Variants in ADGRG6 observed in about 807,000 individuals in gnomAD.
ADGRG6 encodes the protein adhesion G protein-coupled receptor G6.
A neutral mutation model predicts 142.4 loss-of-function variants in ADGRG6; 84 were observed. The ratio of observed to expected loss-of-function variants is 0.59; its 90% CI spans 0.49 to 0.71. The LOEUF (loss-of-function observed/expected upper bound fraction) is 0.71. ADGRG6 is among the 30% of genes least tolerant of loss of function. The pLI is 0.00. For synonymous variants in ADGRG6, 521 were observed against 520.5 expected (o/e 1.00, Z -0.01); for missense variants, 1,367 against 1,466.6 (o/e 0.93, Z 1.11).
chr6:142,330,423 A>G (rs1048334555), intron 2 of ADGRG6, among the ~76,000 whole-genome samples: 33 of 152,198 alleles, frequency 2.2e-4, no homozygotes, highest in African/African-American at 7.5e-4. Context: ...CAGCCAAACA[A>G]GCTCATGCAA....
intron 22 of ADGRG6, among the ~76,000 whole-genome samples, chr6:142,427,238 G>A (rs1483420473): frequency 6.6e-6 from 1 of 152,058 alleles, no homozygotes; most frequent in Non-Finnish European, 1.5e-5. Flanking sequence ...ACAGCACTCA[G>A]GTCATCTGTT....
At chr6:142,348,680 T>C (rs1780022781) in intron 2 of ADGRG6, among the ~76,000 whole-genome samples, 1 of 151,942 alleles carries the variant, frequency 6.6e-6, no homozygotes, top group Non-Finnish European at 1.5e-5. Flanking sequence ...ACTGGTTTAC[T>C]GAAATTTATG....
intron 2 of ADGRG6, among the ~76,000 whole-genome samples, chr6:142,347,287 A>G (rs1779950587): frequency 6.6e-6 from 1 of 152,170 alleles, no homozygotes; most frequent in Non-Finnish European, 1.5e-5. Context: ...CCACGTCAGT[A>G]TCCATTCTGA....
intron 2 of ADGRG6, among the ~76,000 whole-genome samples, chr6:142,349,326 A>G (rs1484975397): frequency 2.0e-5 from 3 of 152,242 alleles, no homozygotes; most frequent in Admixed American, 6.5e-5. Flanking sequence ...AGAATGGGGC[A>G]GAGGAAGAAG....
At chr6:142,324,501 G>A (rs565454094) in intron 2 of ADGRG6, among the ~76,000 whole-genome samples, 66 of 152,134 alleles carry the variant, frequency 4.3e-4, no homozygotes, top group Non-Finnish European at 6.6e-4. Context: ...TCCATTCTCC[G>A]TCATTGCTGC....
intron 1 of ADGRG6, among the ~76,000 whole-genome samples, chr6:142,308,465 C>T (rs987025464): frequency 8.6e-5 from 13 of 151,936 alleles, no homozygotes; most frequent in African/African-American, 3.1e-4. Context: ...GAGTATTTCT[C>T]TTTCTGCTTT....
At chr6:142,353,026 A>G (rs183164947) in intron 2 of ADGRG6, among the ~76,000 whole-genome samples, 9 of 152,314 alleles carry the variant, frequency 5.9e-5, no homozygotes, top group Admixed American at 2.6e-4. Context: ...AAGGAAATCT[A>G]TAACTTTGTG....
At chr6:142,391,632 T>C (rs1774905243) in intron 7 of ADGRG6, among the ~76,000 whole-genome samples, 1 of 151,780 alleles carries the variant, frequency 6.6e-6, no homozygotes, top group Admixed American at 6.6e-5. Context: ...TCTACTGAAA[T>C]AAAAGAAAAA....
intron 2 of ADGRG6, among the ~76,000 whole-genome samples, chr6:142,344,928 G>A (rs1779820669): frequency 6.6e-6 from 1 of 151,976 alleles, no homozygotes; most frequent in African/African-American, 2.4e-5. Flanking sequence ...AATAAACTGA[G>A]TCTACTGCCA....
At position 142,443,551 on chromosome 6, in the gene ADGRG6, T is replaced by C. The variant is rs369955760; in HGVS notation, c.*36T>C. On this transcript the variant is annotated 3_prime_UTR_variant, in exon 25 of 25. Coordinates refer to ENST00000367609, the MANE Select transcript of ADGRG6 (RefSeq NM_198569.3). ...AAAAAGAAATCAATCTGCAGAAATGTGAAGATTTGCAAGCAGTGTAAACTG... is the reference window on the plus strand; with the variant it reads ...AAAAAGAAATCAATCTGCAGAAATGCGAAGATTTGCAAGCAGTGTAAACTG... 2.4e-5 allele frequency: 36 copies of C among 1,495,360 alleles called. No homozygotes were observed. The African/African-American group carries it at 3.6e-4, about 15-fold the overall frequency. The allele number at this position is 1,495,360 out of a possible 1,614,324, so 92.6% of individuals were successfully genotyped here. A position where few individuals can be genotyped will look rare whatever the true frequency, so the allele number is the denominator to read the frequency against.
intron 22 of ADGRG6, among the ~76,000 whole-genome samples, chr6:142,428,299 A>G (rs1582679450): frequency 1.3e-5 from 2 of 152,054 alleles, no homozygotes; most frequent in East Asian, 1.9e-4. Flanking sequence ...TTATAACTGT[A>G]TAATTTAATT....
At chr6:142,421,458 T>A (rs1776649399) in intron 22 of ADGRG6, among the ~76,000 whole-genome samples, 1 of 152,200 alleles carries the variant, frequency 6.6e-6, no homozygotes, top group African/African-American at 2.4e-5. Context: ...TTTATTGGGA[T>A]CTAGCTTTAT....
intron 2 of ADGRG6, among the ~76,000 whole-genome samples, chr6:142,316,951 T>C (rs1778106619): frequency 6.6e-6 from 1 of 152,120 alleles, no homozygotes; most frequent in Admixed American, 6.6e-5. Flanking sequence ...AGTGTTTTAT[T>C]TGAACTGCTA....
At chr6:142,328,459 C>T (rs372173644) in intron 2 of ADGRG6, among the ~76,000 whole-genome samples, 16 of 152,274 alleles carry the variant, frequency 1.1e-4, no homozygotes, top group African/African-American at 3.6e-4. Flanking sequence ...ACCTTGGCCT[C>T]CCAAAGTTCT....
Position 142,341,256 on chromosome 6 carries a change from C to T in ADGRG6, c.104-26313C>T, listed in dbSNP as rs75638455. 4.8e-3 allele frequency among the ~76,000 whole-genome samples: 718 copies of T among 149,910 alleles called. 9 individuals are homozygous for T. The highest frequency in any genetic ancestry group is 0.017 in the African/African-American group (680 of 40,698). ...GAATCCTGTTCTACCACCTCCAAGC[C>T]TTGTGACTTTTGGCAGTTACTTAAT... On this transcript the variant is annotated intron_variant, in intron 2 of 24. Transcript: ENST00000367609.
rs541801920 is a variant in ADGRG6, at chr6:142,328,713, A to G, written c.103+19069A>G. On this transcript the variant is annotated intron_variant, in intron 2 of 24. Coordinates refer to ENST00000367609, the MANE Select transcript of ADGRG6 (RefSeq NM_198569.3). Reference sequence around the variant, plus strand: ...GTAGAGTATCACCAGGGAATGCCATAGAAATGCAAATCCTTGGGCGTCATT... The same window carrying G: ...GTAGAGTATCACCAGGGAATGCCATGGAAATGCAAATCCTTGGGCGTCATT... Among the ~76,000 whole-genome samples, 5 of 152,312 alleles carry G rather than the reference A, an allele frequency of 3.3e-5. No homozygotes were observed. In the South Asian group the frequency reaches 1.0e-3, roughly 32 times the overall value.
chr6:142,372,350 A>G (rs968644408), intron 4 of ADGRG6, among the ~76,000 whole-genome samples: 2 of 152,220 alleles, frequency 1.3e-5, no homozygotes, highest in East Asian at 3.8e-4. Context: ...ATTCAAAAGT[A>G]ATTTGTATAT....
At chr6:142,305,763 C>T (rs776232468) in intron 1 of ADGRG6, among the ~76,000 whole-genome samples, 3 of 152,184 alleles carry the variant, frequency 2.0e-5, no homozygotes, top group Non-Finnish European at 4.4e-5. Context: ...TTTACTCTCA[C>T]CTCTAGTATA....
chr6:142,338,950 C>G (rs1177640629), intron 2 of ADGRG6, among the ~76,000 whole-genome samples: 1 of 152,126 alleles, frequency 6.6e-6, no homozygotes, highest in Non-Finnish European at 1.5e-5. Context: ...TCCTTACCTA[C>G]ACAAACACAC....
Sources: gnomAD v4.1 joint callset for allele counts (sites outside exome capture counted in the v4.1 genomes callset) on GRCh38, gnomAD v4.1.1 for gene constraint, MANE v1.5 for transcripts, NCBI Gene and HGNC (gene_info 2026-07-23, HGNC 2026-07-21) for gene names.